MLXIP: variants seen among roughly 807,000 people sequenced by gnomAD.
The protein encoded by MLXIP is MLX interacting protein.
Under a neutral mutation model 87.2 loss-of-function variants are expected in MLXIP, and 30 were observed. That is an observed-to-expected ratio of 0.34 (90% CI 0.26 to 0.47). MLXIP has a LOEUF of 0.47. Among genes scored for constraint, MLXIP ranks in the 20% least tolerant of loss-of-function variants. The pLI is 1.00. For synonymous variants in MLXIP, 530 were observed against 514.0 expected, an observed-to-expected ratio of 1.03 and a Z score of -0.42; for missense variants, 1,002 against 1,240.1, an observed-to-expected ratio of 0.81 and a Z score of 2.88.
At position 122,133,942 on chromosome 12, in the gene MLXIP, C is replaced by G; in HGVS notation, c.1687C>G (p.Pro563Ala). 3 of 1,606,960 alleles carry G rather than the reference C, an allele frequency of 1.9e-6. No homozygotes were observed. The highest frequency in any genetic ancestry group is 2.5e-6 in the Non-Finnish European group (3 of 1,176,940). ...CCACAAAATAGTGCCTGCTCCCAAA[C>G]CAGAGCCCGTGTCCTTGGTGTTGAA... ...QPHKIVPAPK[P>A]EPVSLVLKNA... Residue 563 changes from proline (P) to alanine (A), a missense_variant, in exon 9 of 17, where the codon CCA becomes GCA. Pro to Ala is a conservative substitution (Grantham distance 27). Transcript: ENST00000319080. This position sits in a 1 kb window ranked among gnomAD's most constrained non-coding sequence, Gnocchi z 4.9.
rs1952807285 is a variant in MLXIP at position 122,122,881 on chromosome 12, C to T, written c.414-4375C>T. 1.4e-5 allele frequency among the ~76,000 whole-genome samples: 2 copies of T among 147,480 alleles called. 1 individual carries two copies. Among genetic ancestry groups the T allele is most frequent in the South Asian group, 4.3e-4 (2 of 4,644 alleles). On this transcript the variant is annotated intron_variant, in intron 1 of 16. Transcript: ENST00000319080. ...TTTTCTTTTTTTTTTTTTAAAGAGA[C>T]GAGGTCTTGTTATATTGCCCAGGCT... is the stretch of plus-strand genomic sequence containing the variant.
At chr12:122,089,095 T>A (rs539298999) in intron 1 of MLXIP, among the ~76,000 whole-genome samples, 7 of 150,346 alleles carry the variant, frequency 4.7e-5, no homozygotes, top group African/African-American at 1.7e-4. Context: ...GGCAAAAGGA[T>A]CCCTTGAGCC....
chr12:122,131,007 CCTTT>C, intron 7 of MLXIP, 74 bp downstream of exon 7: 1 of 1,001,614 alleles, frequency 1.0e-6, no homozygotes, highest in Non-Finnish European at 1.6e-6. Flanking sequence ...TCGCTGCCTT[CCTTT>C]AAGAGGCGAG....
chr12:122,078,972 C>A lies in MLXIP; in HGVS notation c.119C>A (p.Pro40Gln). The A allele has an allele frequency of 1.8e-6, 2 of 1,088,404 alleles. No homozygotes were observed. Among genetic ancestry groups the A allele is most frequent in the Admixed American group, 4.6e-5 (1 of 21,746 alleles). The allele number at this position is 1,088,404 out of a possible 1,614,324, so 67.4% of individuals were successfully genotyped here. Residue 40 changes from proline to glutamine, a missense_variant, in exon 1 of 17, where the codon CCG (proline) becomes CAG (glutamine). Physicochemically the swap from Pro to Gln is moderately conservative, Grantham distance 76 (BLOSUM62 -1). Transcript: ENST00000319080. ...DDDSDTDEPS[P>Q]PPASGAATPA... The stretch of plus-strand genomic sequence containing the variant: ...GACTCGGACACGGATGAGCCGTCCC[C>A]GCCGCCCGCCTCCGGCGCGGCCACC...
intron 6 of MLXIP, 161 bp downstream of exon 6, chr12:122,130,273 TC>T: frequency 3.4e-6 from 1 of 291,718 alleles, no homozygotes; most frequent in Non-Finnish European, 5.1e-6. Flanking sequence ...TCATTTGACA[TC>T]CAGGCCGCAC....
At position 122,145,024 on chromosome 12, in the gene MLXIP, G is replaced by A. The variant is rs1418343277; in HGVS notation, c.*3212G>A. 6.6e-6 allele frequency: 1 copy of A among 152,274 alleles called. No individual in the cohort carries two copies. The highest frequency in any genetic ancestry group is 1.9e-4 in the East Asian group (1 of 5,206). 9.4% of individuals were successfully genotyped at this position (152,274 alleles called of 1,614,324 possible). A position where few individuals can be genotyped will look rare whatever the true frequency, so the allele number is the denominator to read the frequency against. On this transcript the variant is annotated 3_prime_UTR_variant, in exon 17 of 17. Coordinates refer to ENST00000319080, the MANE Select transcript of MLXIP (RefSeq NM_014938.6). ...GCACTGCACTGCTGCCTTCCATGGTGGGTGGGAGACCCCAGAGCGGGGCAG... is the reference window on the plus strand; with the variant it reads ...GCACTGCACTGCTGCCTTCCATGGTAGGTGGGAGACCCCAGAGCGGGGCAG...
At chr12:122,116,357 G>A (rs1952692180) in intron 1 of MLXIP, among the ~76,000 whole-genome samples, 1 of 152,090 alleles carries the variant, frequency 6.6e-6, no homozygotes, top group African/African-American at 2.4e-5. Flanking sequence ...TGTTACATAT[G>A]TATACATGTG....
At chr12:122,098,034 CTG>C (rs1228260978) in intron 1 of MLXIP, among the ~76,000 whole-genome samples, 5 of 152,236 alleles carry the variant, frequency 3.3e-5, no homozygotes, top group Admixed American at 6.5e-5. Flanking sequence ...CTACCAGAGA[CTG>C]TATTTGCAGA....
intron 1 of MLXIP, among the ~76,000 whole-genome samples, chr12:122,122,300 C>T (rs879733622): frequency 2.6e-5 from 4 of 152,112 alleles, no homozygotes; most frequent in Admixed American, 6.5e-5. Flanking sequence ...CGCTTTCTGG[C>T]GGTGCTTCCC....
At chr12:122,121,112 C>T (rs1361069619) in intron 1 of MLXIP, among the ~76,000 whole-genome samples, 1 of 147,342 alleles carries the variant, frequency 6.8e-6, no homozygotes, top group Non-Finnish European at 1.5e-5. Flanking sequence ...CAGGTTCAAG[C>T]GATTCCCCTG....
At chr12:122,130,252 G>C in intron 6 of MLXIP, 140 bp downstream of exon 6, 2 of 894,246 alleles carry the variant, frequency 2.2e-6, no homozygotes, top group Non-Finnish European at 3.3e-6. Flanking sequence ...GGAAGGGAAG[G>C]ATGGCTGGCC....
chr12:122,133,716 G>T lies in MLXIP; in HGVS notation c.1461G>T (p.Thr487=), dbSNP rs376709770. The T allele has an allele frequency of 6.2e-7, 1 of 1,613,502 alleles. No homozygotes were observed. The highest frequency in any genetic ancestry group is 1.7e-5 in the Admixed American group (1 of 59,980). The change falls in exon 9 of 17, where the codon ACG becomes ACT. Residue 487 remains threonine, a synonymous_variant. Transcript: ENST00000319080. The surrounding 1 kb of genome is among the most constrained non-coding windows in gnomAD (Gnocchi z 4.9). The part of the protein sequence containing the change: ...VNKAPSVITH[T]ASATLTHDAP... ...AAGCGCCGTCTGTCATCACCCACAC[G>T]GCCTCTGCCACCCTCACCCACGATG...
intron 1 of MLXIP, among the ~76,000 whole-genome samples, chr12:122,085,840 A>ATG (rs1357689091): frequency 6.6e-6 from 1 of 152,082 alleles, no homozygotes; most frequent in Admixed American, 6.6e-5. Flanking sequence ...CCCCCCGAAG[A>ATG]TGTGCACATC....
At chr12:122,085,504 A>G (rs1000708665) in intron 1 of MLXIP, among the ~76,000 whole-genome samples, 7 of 151,770 alleles carry the variant, frequency 4.6e-5, no homozygotes, top group South Asian at 2.1e-4. Flanking sequence ...CCTGGGTTCA[A>G]GTGATTCTCC....
intron 1 of MLXIP, among the ~76,000 whole-genome samples, chr12:122,103,258 T>C (rs1347705718): frequency 6.6e-6 from 1 of 151,854 alleles, no homozygotes; most frequent in Non-Finnish European, 1.5e-5. Context: ...AGAGTTTCAC[T>C]CTTCTACCCA....
At chr12:122,131,268 A>G (rs1444192929) in intron 7 of MLXIP, among the ~76,000 whole-genome samples, 3 of 151,982 alleles carry the variant, frequency 2.0e-5, no homozygotes, top group Non-Finnish European at 4.4e-5. Context: ...TGACAGCAGC[A>G]GAAACGTCAG....
chr12:122,137,367 G>C lies in MLXIP; in HGVS notation c.2033-102G>C. ...TTGAAAGAACCAAGTGCAATACGTG[G>C]CTAGCAGCGAGCACCTCATAACCCT... On this transcript the variant is annotated intron_variant, in intron 11 of 16. Coordinates refer to ENST00000319080, the MANE Select transcript of MLXIP (RefSeq NM_014938.6). The surrounding 1 kb of genome is among the most constrained non-coding windows in gnomAD (Gnocchi z 4.1). 7.6e-7 allele frequency: 1 copy of C among 1,322,504 alleles called. No individual in the cohort carries two copies. Among genetic ancestry groups the C allele is most frequent in the Admixed American group, 2.8e-5 (1 of 35,604 alleles). The allele number at this position is 1,322,504 out of a possible 1,614,324, so 81.9% of individuals were successfully genotyped here.
chr12:122,115,330 A>C (rs913608289), intron 1 of MLXIP, among the ~76,000 whole-genome samples: 1 of 151,930 alleles, frequency 6.6e-6, no homozygotes, highest in Non-Finnish European at 1.5e-5. Context: ...TCTCACGCCT[A>C]TAATCCCAGC....
intron 1 of MLXIP, among the ~76,000 whole-genome samples, chr12:122,123,501 G>A (rs895053589): frequency 2.0e-5 from 3 of 152,182 alleles, no homozygotes; most frequent in Admixed American, 1.3e-4. Flanking sequence ...AAAGAAAAGG[G>A]AAACATTTCA....
Sources: gnomAD v4.1 joint callset for allele counts (sites outside exome capture counted in the v4.1 genomes callset) on GRCh38, gnomAD v4.1.1 for gene constraint, Gnocchi (gnomAD v3.1) non-coding constraint, MANE v1.5 for transcripts, NCBI Gene and HGNC (gene_info 2026-07-23, HGNC 2026-07-21) for gene names.